SEMA3A: variants seen among roughly 807,000 people sequenced by gnomAD.
The protein encoded by SEMA3A is semaphorin-3A.
Under a neutral mutation model 97.9 loss-of-function variants are expected in SEMA3A, and 29 were observed. That is an observed-to-expected ratio of 0.30 (90% CI 0.22 to 0.40). The LOEUF is 0.40. SEMA3A is among the 10% of genes least tolerant of loss of function. SEMA3A has a pLI of 1.00. For synonymous variants in SEMA3A, 321 were observed against 323.7 expected (o/e 0.99, Z 0.09); for missense variants, 763 against 951.3 (o/e 0.80, Z 2.60).
At chr7:84,331,081 G>T (rs1444277384) in intron 2 of SEMA3A, among the ~76,000 whole-genome samples, 1 of 152,116 alleles carries the variant, frequency 6.6e-6, no homozygotes. Flanking sequence ...GTTTCAAATA[G>T]TCAATACCTG....
In SEMA3A at chr7:84,287,896, A is replaced by G. The variant is rs77402198; in HGVS notation, c.-83+19311T>C. Among the ~76,000 whole-genome samples, 34 of 152,306 alleles carry G rather than the reference A, an allele frequency of 2.2e-4. No individual in the cohort carries two copies. In the East Asian group the frequency reaches 4.8e-3, roughly 22 times the overall value. ...AGTTAATTTTTAAACTCATAAAAAT[A>G]TACAAAAATAATAATAACAGGTTTC... is the stretch of plus-strand genomic sequence containing the variant. On this transcript the variant is annotated intron_variant, in intron 3 of 3. Coordinates refer to the SEMA3A transcript ENST00000424555.
intron 4 of SEMA3A, among the ~76,000 whole-genome samples, chr7:84,089,931 T>C (rs1173794184): frequency 6.6e-6 from 1 of 151,986 alleles, no homozygotes; most frequent in Non-Finnish European, 1.5e-5. Flanking sequence ...GAGACTAAAG[T>C]AGGACATTTA....
intron 1 of SEMA3A, among the ~76,000 whole-genome samples, chr7:84,463,311 C>CT: frequency 7.2e-6 from 1 of 138,152 alleles, no homozygotes; most frequent in Non-Finnish European, 1.5e-5. Flanking sequence ...TGCAGTGGCG[C>CT]AATCTCGGCT....
intron 1 of SEMA3A, among the ~76,000 whole-genome samples, chr7:84,381,712 C>G (rs1000785357): frequency 6.6e-6 from 1 of 152,112 alleles, no homozygotes; most frequent in African/African-American, 2.4e-5. Context: ...ATGGCCTAGT[C>G]TTTTTTGTCC....
intron 1 of SEMA3A, among the ~76,000 whole-genome samples, chr7:84,399,158 G>C (rs762114657): frequency 6.6e-6 from 1 of 152,140 alleles, no homozygotes; most frequent in Admixed American, 6.5e-5. Flanking sequence ...ATTATGCATT[G>C]GAACTCAGTG....
At chr7:84,471,413 T>C (rs185861894) in intron 1 of SEMA3A, among the ~76,000 whole-genome samples, 1 of 152,228 alleles carries the variant, frequency 6.6e-6, no homozygotes, top group East Asian at 1.9e-4. Flanking sequence ...AAAGGAGATA[T>C]TTAAGTATCT....
chr7:84,443,682 C>A (rs1415683099), intron 1 of SEMA3A, among the ~76,000 whole-genome samples: 1 of 152,086 alleles, frequency 6.6e-6, no homozygotes, highest in Non-Finnish European at 1.5e-5. Flanking sequence ...TGTTTTCCTG[C>A]TAAAAACTTT....
At chr7:84,296,295 T>C (rs750844238) in intron 3 of SEMA3A, among the ~76,000 whole-genome samples, 1 of 152,156 alleles carries the variant, frequency 6.6e-6, no homozygotes, top group Non-Finnish European at 1.5e-5. Flanking sequence ...ACCAATCATA[T>C]GATGTAATTA....
intron 1 of SEMA3A, among the ~76,000 whole-genome samples, chr7:84,477,055 T>C (rs1029672983): frequency 2.2e-5 from 3 of 138,982 alleles, no homozygotes; most frequent in African/African-American, 8.4e-5. Flanking sequence ...ATATGCCATG[T>C]GTTTGTTAAA....
At chr7:84,107,902 C>T (rs1446577455) in intron 4 of SEMA3A, among the ~76,000 whole-genome samples, 1 of 152,046 alleles carries the variant, frequency 6.6e-6, no homozygotes, top group Non-Finnish European at 1.5e-5. Flanking sequence ...ACCCGGCAGC[C>T]ATGAGAACCC....
At chr7:84,080,505 TA>T (rs1794118005) in intron 4 of SEMA3A, among the ~76,000 whole-genome samples, 1 of 151,988 alleles carries the variant, frequency 6.6e-6, no homozygotes, top group African/African-American at 2.4e-5. Context: ...TTATTTTGAG[TA>T]GTTGCAATTT....
intron 6 of SEMA3A, among the ~76,000 whole-genome samples, chr7:84,040,924 T>C (rs1792114110): frequency 6.6e-6 from 1 of 152,096 alleles, no homozygotes; most frequent in Non-Finnish European, 1.5e-5. Context: ...CTTGAGAAAA[T>C]ATAATAATAC....
At chr7:84,188,310 A>T (rs1797943364) in intron 1 of SEMA3A, among the ~76,000 whole-genome samples, 1 of 151,782 alleles carries the variant, frequency 6.6e-6, no homozygotes, top group Admixed American at 6.6e-5. Flanking sequence ...GGTTTGACAG[A>T]CTCCAGCTTT....
At chr7:84,272,644 T>C (rs527322938) in intron 3 of SEMA3A, among the ~76,000 whole-genome samples, 1 of 152,150 alleles carries the variant, frequency 6.6e-6, no homozygotes, top group South Asian at 2.1e-4. Context: ...TTTTATTGAT[T>C]GTAAATGAGA....
chr7:83,988,872 T>C (rs1789755227), intron 12 of SEMA3A, among the ~76,000 whole-genome samples: 1 of 151,148 alleles, frequency 6.6e-6, no homozygotes, highest in Admixed American at 6.6e-5. Flanking sequence ...TTTTTTTTTT[T>C]TTTTTCTGAC....
At chr7:84,150,425 C>T (rs573551253) in intron 1 of SEMA3A, among the ~76,000 whole-genome samples, 4 of 152,268 alleles carry the variant, frequency 2.6e-5, no homozygotes, top group Non-Finnish European at 4.4e-5. Flanking sequence ...TTGCCTCACT[C>T]GGGAAGCGCA....
intron 3 of SEMA3A, among the ~76,000 whole-genome samples, chr7:84,301,360 A>G (rs1288999608): frequency 1.3e-5 from 2 of 152,150 alleles, no homozygotes; most frequent in African/African-American, 2.4e-5. Flanking sequence ...ATTTGTCTTC[A>G]GAATGCATAA....
chr7:84,116,981 T>G (rs1398058124), intron 3 of SEMA3A, among the ~76,000 whole-genome samples: 2 of 152,202 alleles, frequency 1.3e-5, no homozygotes, highest in African/African-American at 4.8e-5. Context: ...TAAAATATTT[T>G]CACCATCAGA....
intron 3 of SEMA3A, among the ~76,000 whole-genome samples, chr7:84,248,265 G>C (rs932637546): frequency 1.3e-5 from 2 of 152,116 alleles, no homozygotes; most frequent in South Asian, 4.1e-4. Context: ...CTTTAAAGTG[G>C]CTGTTAATAA....
Sources: gnomAD v4.1 joint callset for allele counts (sites outside exome capture counted in the v4.1 genomes callset) on GRCh38, gnomAD v4.1.1 for gene constraint, MANE v1.5 for transcripts, NCBI Gene and HGNC (gene_info 2026-07-23, HGNC 2026-07-21) for gene names.